ANKS1B: variants seen among roughly 807,000 people sequenced by gnomAD.
The protein encoded by ANKS1B is ankyrin repeat and sterile alpha motif domain-containing protein 1B.
ANKS1B carries 36 observed loss-of-function variants against 148.3 expected under a neutral mutation model. The ratio of observed to expected loss-of-function variants is 0.24; its 90% confidence interval spans 0.19 to 0.32. The LOEUF is 0.32. Among genes scored for constraint, ANKS1B ranks in the 10% least tolerant of loss-of-function variants. The pLI is 1.00. For missense variants in ANKS1B, 1,157 were observed against 1,542.6 expected, an observed-to-expected ratio of 0.75 and a Z score of 4.19; for synonymous variants, 542 against 560.8, an observed-to-expected ratio of 0.97 and a Z score of 0.47.
At chr12:99,783,190 CAAA>C (rs766608067) in intron 4 of ANKS1B, among the ~76,000 whole-genome samples, 7 of 62,416 alleles carry the variant, frequency 1.1e-4, no homozygotes, top group Admixed American at 1.9e-4. Context: ...GAATCCATCG[CAAA>C]AAAAAAAAAA....
At chr12:98,742,570 C>T (rs191720972), downstream of ANKS1B, among the ~76,000 whole-genome samples, 5 of 152,358 alleles carry the variant, frequency 3.3e-5, no homozygotes, top group Admixed American at 6.5e-5. Flanking sequence ...GAGCGGAAGA[C>T]AGAAACAGTT....
intron 17 of ANKS1B, among the ~76,000 whole-genome samples, chr12:98,867,044 T>C (rs186789614): frequency 1.3e-5 from 2 of 152,330 alleles, no homozygotes; most frequent in Admixed American, 6.5e-5. Context: ...GTGAGGATTA[T>C]ATAGATGCAT....
At chr12:99,294,046 G>T (rs1164845111) in intron 12 of ANKS1B, among the ~76,000 whole-genome samples, 1 of 152,120 alleles carries the variant, frequency 6.6e-6, no homozygotes, top group Non-Finnish European at 1.5e-5. Flanking sequence ...GCAAGGATGT[G>T]GAGAAAAGGG....
intron 1 of ANKS1B, among the ~76,000 whole-genome samples, chr12:99,959,801 C>G (rs1473974290): frequency 6.6e-6 from 1 of 152,060 alleles, no homozygotes; most frequent in East Asian, 1.9e-4. Flanking sequence ...TCTAAAACCC[C>G]AAGAGCAATA....
At chr12:99,222,724 T>G (rs181977440) in intron 14 of ANKS1B, among the ~76,000 whole-genome samples, 13 of 152,208 alleles carry the variant, frequency 8.5e-5, no homozygotes, top group African/African-American at 1.4e-4. Flanking sequence ...TTTATTGAGA[T>G]ATGAATTGTT....
intron 8 of ANKS1B, among the ~76,000 whole-genome samples, chr12:99,740,929 C>T (rs1376287296): frequency 2.6e-5 from 4 of 152,104 alleles, no homozygotes; most frequent in Non-Finnish European, 5.9e-5. Flanking sequence ...CCTCTAGTGC[C>T]TATGCCACCA....
At chr12:99,672,374 T>C (rs2098542110) in intron 8 of ANKS1B, among the ~76,000 whole-genome samples, 1 of 152,186 alleles carries the variant, frequency 6.6e-6, no homozygotes, top group Non-Finnish European at 1.5e-5. Flanking sequence ...TGGATTTCCA[T>C]ATCTGAAAAT....
intron 14 of ANKS1B, among the ~76,000 whole-genome samples, chr12:99,233,952 CA>C (rs1033804787): frequency 2.0e-5 from 3 of 151,500 alleles, no homozygotes; most frequent in African/African-American, 4.8e-5. Context: ...GTGGGGACAA[CA>C]AAAAAAATGC....
At chr12:99,854,131 C>T (rs1475926669) in intron 1 of ANKS1B, among the ~76,000 whole-genome samples, 1 of 152,194 alleles carries the variant, frequency 6.6e-6, no homozygotes, top group East Asian at 1.9e-4. Flanking sequence ...CCTGCCTCAG[C>T]CTCCCGAGTA....
intron 9 of ANKS1B, among the ~76,000 whole-genome samples, chr12:99,616,857 C>G (rs2097970176): frequency 6.6e-6 from 1 of 151,986 alleles, no homozygotes; most frequent in Admixed American, 6.5e-5. Flanking sequence ...AACAGGCAAC[C>G]TACAGAATGA....
chr12:99,823,724 T>C (rs1358085247), intron 2 of ANKS1B, among the ~76,000 whole-genome samples: 1 of 152,232 alleles, frequency 6.6e-6, no homozygotes, highest in Admixed American at 6.5e-5. Flanking sequence ...GTTTGAGATC[T>C]TACATTTAAA....
At chr12:99,363,442 G>T (rs1035103314) in intron 12 of ANKS1B, among the ~76,000 whole-genome samples, 1 of 152,080 alleles carries the variant, frequency 6.6e-6, no homozygotes, top group African/African-American at 2.4e-5. Context: ...ATAATACAGC[G>T]TATAAGTGAT....
intron 12 of ANKS1B, among the ~76,000 whole-genome samples, chr12:99,399,034 A>G (rs2094330283): frequency 6.6e-6 from 1 of 152,054 alleles, no homozygotes; most frequent in Non-Finnish European, 1.5e-5. Context: ...TCTTATTTCT[A>G]ATATGTCCCT....
Position 99,147,540 on chromosome 12 carries a change from A to G in ANKS1B, c.2526+6749T>C, listed in dbSNP as rs80320291. ...TTTTAAGCAGAGTAGTGCTAAAGCA[A>G]ATGTGTGCTCTAGAAAGATCACTCT... On this transcript the variant is annotated intron_variant, in intron 15 of 26. Transcript: ENST00000683438. Among the ~76,000 whole-genome samples the G allele has an allele frequency of 4.2e-3, 638 of 152,248 alleles. 3 individuals are homozygous for G. The highest frequency in any genetic ancestry group is 0.015 in the African/African-American group (618 of 41,566).
chr12:99,332,341 T>TA (rs1441930291), intron 12 of ANKS1B, among the ~76,000 whole-genome samples: 29 of 152,146 alleles, frequency 1.9e-4, no homozygotes, highest in African/African-American at 7.0e-4. Flanking sequence ...CATAGGCAGA[T>TA]AGATTACAAC....
In ANKS1B at chr12:98,867,604, T is replaced by C. The variant is rs536626604; in HGVS notation, c.2779-35468A>G. 1.6e-4 allele frequency among the ~76,000 whole-genome samples: 24 copies of C among 152,328 alleles called. No individual in the cohort carries two copies. The South Asian group carries it at 4.8e-3, about 30-fold the overall frequency. On this transcript the variant is annotated intron_variant, in intron 17 of 26. Transcript: ENST00000683438. ...TGTCGGGCGCAGTGGCTCACGCCTGTAGTCCCAGCACTTTGGGAGGCTGAG... is the reference window on the plus strand; with the variant it reads ...TGTCGGGCGCAGTGGCTCACGCCTGCAGTCCCAGCACTTTGGGAGGCTGAG...
chr12:99,380,753 C>CTT, intron 12 of ANKS1B, among the ~76,000 whole-genome samples: 1 of 140,120 alleles, frequency 7.1e-6, no homozygotes, highest in Non-Finnish European at 1.5e-5. Flanking sequence ...AGTTTCCTTT[C>CTT]CTCCTTCCTT....
At chr12:99,035,366 A>G (rs2153473646) in intron 17 of ANKS1B, among the ~76,000 whole-genome samples, 1 of 152,292 alleles carries the variant, frequency 6.6e-6, no homozygotes, top group South Asian at 2.1e-4. Flanking sequence ...AGAAGGAAGG[A>G]ATGCATGCTC....
At chr12:99,593,334 G>A (rs749318161) in intron 9 of ANKS1B, among the ~76,000 whole-genome samples, 2 of 152,030 alleles carry the variant, frequency 1.3e-5, no homozygotes, top group Non-Finnish European at 2.9e-5. Flanking sequence ...GGTAGTCAGA[G>A]ACCAAATACA....
Sources: gnomAD v4.1 joint callset for allele counts (sites outside exome capture counted in the v4.1 genomes callset) on GRCh38, gnomAD v4.1.1 for gene constraint, MANE v1.5 for transcripts, NCBI Gene and HGNC (gene_info 2026-07-23, HGNC 2026-07-21) for gene names.